The following AEBP1 variants were observed in gnomAD, a reference collection of about 807,000 sequenced individuals.
The protein encoded by AEBP1 is adipocyte enhancer-binding protein 1.
Under a neutral mutation model 116.5 loss-of-function variants are expected in AEBP1, and 69 were observed. The observed-to-expected ratio is 0.59, with a 90% CI of 0.49 to 0.72. The LOEUF (loss-of-function observed/expected upper bound fraction) is 0.72. Among genes scored for constraint, AEBP1 ranks in the 30% least tolerant of loss-of-function variants. The probability of loss-of-function intolerance (pLI) is 0.00; values close to 1 mark genes in which losing one functional copy is unlikely to be tolerated. For missense variants in AEBP1, 1,444 were observed against 1,557.5 expected (o/e 0.93, Z 1.23); for synonymous variants, 627 against 627.3 (o/e 1.00, Z 0.01).
chr7:44,104,811 C>T lies in AEBP1; in HGVS notation c.146C>T (p.Pro49Leu). Residue 49 changes from proline to leucine, a missense_variant, in exon 1 of 21, where the codon CCC becomes CTC. Transcript: ENST00000223357. ...TTCCTGTCAGAGCTAGAACCTGAGCCCCGGGAGGACGACGTGGAGGCCCCG... is the reference window on the plus strand; with the variant it reads ...TTCCTGTCAGAGCTAGAACCTGAGCTCCGGGAGGACGACGTGGAGGCCCCG... ...EGFLSELEPE[P>L]REDDVEAPPP... The T allele has an allele frequency of 6.2e-7, 1 of 1,606,648 alleles. No homozygotes were observed. The highest frequency in any genetic ancestry group is 8.5e-7 in the Non-Finnish European group (1 of 1,177,364).
Position 44,110,929 on chromosome 7 carries a change from T to C in AEBP1, c.1502T>C (p.Val501Ala). ...GYEEMTFHGN[V>A]DKDTPVLSEL... is the part of the protein sequence containing the mutation. Reference sequence around the variant, plus strand: ...TCTCCCCAGACCTTTCATGGGAACGTGGACAAGGACACACCCGTGCTGAGT... The same window carrying C: ...TCTCCCCAGACCTTTCATGGGAACGCGGACAAGGACACACCCGTGCTGAGT... The change falls in exon 13 of 21, where the codon GTG becomes GCG. Residue 501 changes from valine to alanine, a missense_variant. By Grantham distance (64) the Val-to-Ala change is moderately conservative. Transcript: ENST00000223357. 1 of 1,613,904 alleles carries C rather than the reference T, an allele frequency of 6.2e-7. No individual in the cohort carries two copies. The highest frequency in any genetic ancestry group is 2.2e-5 in the East Asian group (1 of 44,876).
Position 44,104,589 on chromosome 7 carries a change from C to A in AEBP1, c.-77C>A, listed in dbSNP as rs1562683136. 3.9e-6 allele frequency: 4 copies of A among 1,036,742 alleles called. No homozygotes were observed. The African/African-American group carries it at 5.1e-5, about 13-fold the overall frequency. The allele number at this position is 1,036,742 out of a possible 1,614,324, so 64.2% of individuals were successfully genotyped here. A position where few individuals can be genotyped will look rare whatever the true frequency, so the allele number is the denominator to read the frequency against. On this transcript the variant is annotated 5_prime_UTR_variant, in exon 1 of 21. Coordinates refer to ENST00000223357, the MANE Select transcript of AEBP1 (RefSeq NM_001129.5). ...GGATTCCCTCACCCGTCTCGATCCC[C>A]TCTCCGCCCTTTCCCAGAGACCCAG...
chr7:44,110,059 C>G lies in AEBP1; in HGVS notation c.1195C>G (p.Gln399Glu). 6.2e-7 allele frequency: 1 copy of G among 1,613,052 alleles called. No individual in the cohort carries two copies. The highest frequency in any genetic ancestry group is 8.5e-7 in the Non-Finnish European group (1 of 1,179,998). Residue 399 changes from glutamine (Q) to glutamate (E), a missense_variant, in exon 10 of 21, where the codon CAG becomes GAG. Coordinates refer to ENST00000223357, the MANE Select transcript of AEBP1 (RefSeq NM_001129.5). ...GMESHRIEDNQIRASSMLRHG... is the reference protein window; with the variant it reads ...GMESHRIEDNEIRASSMLRHG... ...GGAGTCACACCGTATTGAGGACAAC[C>G]AGATCCGAGCCTCCTCCATGCTGCG...
chr7:44,107,777 T>C lies in AEBP1; in HGVS notation c.740-32T>C, dbSNP rs762798082. ...TGTGCCAATGGGCCCATCCCAGCCT[T>C]GGGCCCCACTCTGAGCCAGCCTCCC... On this transcript the variant is annotated intron_variant, in intron 4 of 20. Coordinates refer to ENST00000223357, the MANE Select transcript of AEBP1 (RefSeq NM_001129.5). This position sits in a 1 kb window ranked among gnomAD's most constrained non-coding sequence, Gnocchi z 4.3. 145 of 1,612,302 alleles carry C rather than the reference T, an allele frequency of 9.0e-5. No homozygotes were observed. The highest frequency in any genetic ancestry group is 1.1e-4 in the Non-Finnish European group (135 of 1,179,580).
At chr7:44,109,534 G>A in intron 9 of AEBP1, 193 bp downstream of exon 9, 1 of 665,820 alleles carries the variant, frequency 1.5e-6, no homozygotes, top group Non-Finnish European at 2.5e-6. Context: ...TGGACCCCAG[G>A]CTGGCCTGCT....
Position 44,107,023 on chromosome 7 carries a change from C to A in AEBP1, c.595+136C>A. On this transcript the variant is annotated intron_variant, in intron 2 of 20. Transcript: ENST00000223357. The surrounding 1 kb of genome is among the most constrained non-coding windows in gnomAD (Gnocchi z 4.3). ...CCACTGGATGGGAACCTCACTTTTG[C>A]TATAAATTTCACAATTTGATTGGTG... The A allele has an allele frequency of 1.4e-6, 1 of 714,282 alleles. No homozygotes were observed. The highest frequency in any genetic ancestry group is 2.3e-6 in the Non-Finnish European group (1 of 441,404). 44.2% of individuals were successfully genotyped at this position (714,282 alleles called of 1,614,324 possible).
At position 44,112,985 on chromosome 7, in the gene AEBP1, G is replaced by T. The variant is rs563058667; in HGVS notation, c.2570-6G>T. 2.7e-5 allele frequency: 43 copies of T among 1,613,956 alleles called. No homozygotes were observed. The South Asian group carries it at 4.6e-4, about 17-fold the overall frequency. ...TGACTTTGGGTCTGTATCTGTCCCC[G>T]GCCAGCTATCAATGACTTCAGTTAC... On this transcript the variant is annotated splice_polypyrimidine_tract_variant and splice_region_variant and intron_variant, in intron 18 of 20. Coordinates refer to ENST00000223357, the MANE Select transcript of AEBP1 (RefSeq NM_001129.5). This position sits in a 1 kb window ranked among gnomAD's most constrained non-coding sequence, Gnocchi z 6.6.
rs567438595 is a variant in AEBP1 at position 44,113,194 on chromosome 7, G to A, written c.2710-58G>A. On this transcript the variant is annotated intron_variant, in intron 19 of 20. Transcript: ENST00000223357. This position sits in a 1 kb window ranked among gnomAD's most constrained non-coding sequence, Gnocchi z 5.3. Reference sequence around the variant, plus strand: ...CACAGGCTCCTGGATGGGCGGGAGGGAGCAGCGGACCACATTGGACCTTCC... The same window carrying A: ...CACAGGCTCCTGGATGGGCGGGAGGAAGCAGCGGACCACATTGGACCTTCC... 10 of 1,613,208 alleles carry A rather than the reference G, an allele frequency of 6.2e-6. No individual in the cohort carries two copies. Among genetic ancestry groups the A allele is most frequent in the Non-Finnish European group, 8.5e-6 (10 of 1,179,470 alleles).
Position 44,114,165 on chromosome 7 carries a change from A to G in AEBP1, c.3381A>G (p.Glu1127=), listed in dbSNP as rs1266644757. ...CCCAGCTGGAACCCGAGTTTGAGGA[A>G]GAGGAGGAGGAGGAGAAAGAGGAGG... ...FETQLEPEFE[E]EEEEEKEEEI... The change falls in exon 21 of 21, where the codon GAA becomes GAG. Residue 1127 remains glutamate, a synonymous_variant. Transcript: ENST00000223357. 7.4e-6 allele frequency: 12 copies of G among 1,611,440 alleles called. No homozygotes were observed. In the East Asian group the frequency reaches 2.5e-4, roughly 33 times the overall value.
In AEBP1 at chr7:44,112,775, TC is replaced by T. The variant is rs755043141; in HGVS notation, c.2437del (p.Arg813GlyfsTer14). 6.2e-7 allele frequency: 1 copy of T among 1,612,840 alleles called. No individual in the cohort carries two copies. Among genetic ancestry groups the T allele is most frequent in the African/African-American group, 1.3e-5 (1 of 74,914 alleles). ...CAGGAGACTCCAGACCACGCCATCT[TC>T]CGGTGGCTTGCCATCTCCTTCGCCT... is the stretch of plus-strand genomic sequence containing the variant. ...EAQETPDHAIFRWLAISFASA... is the reference protein window; with the variant it reads ...EAQETPDHAIXRWLAISFASA... On this transcript the variant is annotated frameshift_variant, in exon 18 of 21. Transcript: ENST00000223357. LOFTEE classifies it high-confidence loss of function. This position sits in a 1 kb window ranked among gnomAD's most constrained non-coding sequence, Gnocchi z 6.6.
chr7:44,107,392 C>A lies in AEBP1; in HGVS notation c.596-47C>A. On this transcript the variant is annotated intron_variant, in intron 2 of 20. Coordinates refer to ENST00000223357, the MANE Select transcript of AEBP1 (RefSeq NM_001129.5). This position sits in a 1 kb window ranked among gnomAD's most constrained non-coding sequence, Gnocchi z 4.3. ...GGTGGCCTGAGGCTCCCAAGGTGGTCAGAGCAGGCCTCCCGCCCACCTGCT... is the reference window on the plus strand; with the variant it reads ...GGTGGCCTGAGGCTCCCAAGGTGGTAAGAGCAGGCCTCCCGCCCACCTGCT... The A allele has an allele frequency of 1.3e-6, 2 of 1,592,998 alleles. No homozygotes were observed. The highest frequency in any genetic ancestry group is 2.2e-5 in the South Asian group (2 of 90,590).
chr7:44,113,536 G>A lies in AEBP1; in HGVS notation c.2810-58G>A, dbSNP rs1489307480. 1.2e-5 allele frequency: 18 copies of A among 1,486,618 alleles called. 1 individual carries two copies. In the African/African-American group the frequency reaches 2.2e-4, roughly 18 times the overall value. 92.1% of individuals were successfully genotyped at this position (1,486,618 alleles called of 1,614,324 possible). A position where few individuals can be genotyped will look rare whatever the true frequency, so the allele number is the denominator to read the frequency against. ...GCGGGGCTGGGGGCAGGACTGAGTG[G>A]GAGGGTGGGGGCCTGGGAGGGGCGC... On this transcript the variant is annotated intron_variant, in intron 20 of 20. Transcript: ENST00000223357. This position sits in a 1 kb window ranked among gnomAD's most constrained non-coding sequence, Gnocchi z 5.3.
chr7:44,105,860 A>G (rs2096222415), intron 1 of AEBP1, among the ~76,000 whole-genome samples: 1 of 152,016 alleles, frequency 6.6e-6, no homozygotes, highest in Non-Finnish European at 1.5e-5. Context: ...GAGGATTCCC[A>G]TGGGGAATCC....
At position 44,112,058 on chromosome 7, in the gene AEBP1, G is replaced by C; in HGVS notation, c.2037+8G>C. 1 of 1,610,986 alleles carries C rather than the reference G, an allele frequency of 6.2e-7. No individual in the cohort carries two copies. The highest frequency in any genetic ancestry group is 1.1e-5 in the South Asian group (1 of 91,032). ...GAGGTGGCAGCGCAGATGGTGGGTT[G>C]AAGGGTGAGGCTGGCCAGGGTCCAG... On this transcript the variant is annotated splice_region_variant and intron_variant, in intron 16 of 20. Coordinates refer to ENST00000223357, the MANE Select transcript of AEBP1 (RefSeq NM_001129.5). This position sits in a 1 kb window ranked among gnomAD's most constrained non-coding sequence, Gnocchi z 6.6.
At chr7:44,104,996 C>A in intron 1 of AEBP1, 78 bp downstream of exon 1, 2 of 1,202,662 alleles carry the variant, frequency 1.7e-6, no homozygotes, top group Non-Finnish European at 1.1e-6. Flanking sequence ...AGGGTCTGGC[C>A]ACTCCCCAGT....
rs746781450 is a variant in AEBP1 at position 44,111,183 on chromosome 7, G to T, written c.1660G>T (p.Val554Leu). The T allele has an allele frequency of 2.6e-6, 4 of 1,520,072 alleles. No individual in the cohort carries two copies. Among genetic ancestry groups the T allele is most frequent in the Non-Finnish European group, 3.5e-6 (4 of 1,133,178 alleles). 94.2% of individuals were successfully genotyped at this position (1,520,072 alleles called of 1,614,324 possible). A position where few individuals can be genotyped will look rare whatever the true frequency, so the allele number is the denominator to read the frequency against. Residue 554 changes from valine (V) to leucine (L), a missense_variant, in exon 14 of 21, where the codon GTG becomes TTG. By Grantham distance (32) the Val-to-Leu change is conservative. Transcript: ENST00000223357. This position sits in a 1 kb window ranked among gnomAD's most constrained non-coding sequence, Gnocchi z 4.7. Reference sequence around the variant, plus strand: ...CTACAGCTACTACGCACAGAATGAGGTGGTGGCCACCGATGACCTGGATTT... The same window carrying T: ...CTACAGCTACTACGCACAGAATGAGTTGGTGGCCACCGATGACCTGGATTT... ...PVYSYYAQNE[V>L]VATDDLDFRH... is the part of the protein sequence containing the mutation.
In AEBP1 at chr7:44,112,700, C is replaced by T. The variant is rs2096230957; in HGVS notation, c.2360C>T (p.Ala787Val). ...CCTACCCAGGAGCAGCTGCTGGCCG[C>T]AGCCATGGCAGCAGCCCGGGGGGAG... ...RTPTQEQLLA[A>V]AMAAARGEDE... The change falls in exon 18 of 21, where the codon GCA (alanine) becomes GTA (valine). Residue 787 changes from alanine to valine, a missense_variant. Physicochemically the swap from Ala to Val is moderately conservative, Grantham distance 64. Transcript: ENST00000223357. This position sits in a 1 kb window ranked among gnomAD's most constrained non-coding sequence, Gnocchi z 6.6. The T allele has an allele frequency of 6.2e-7, 1 of 1,613,170 alleles. No individual in the cohort carries two copies. Among genetic ancestry groups the T allele is most frequent in the Admixed American group, 1.7e-5 (1 of 59,990 alleles).
rs1386328926 is a variant in AEBP1, at chr7:44,109,193, C to A, written c.1096+9C>A. ...GGGCAAGGACCACAAAGGTGTGTGG[C>A]TGGGGCTTGGGGCCTGGGTCCCTGT... On this transcript the variant is annotated intron_variant, in intron 8 of 20. Coordinates refer to ENST00000223357, the MANE Select transcript of AEBP1 (RefSeq NM_001129.5). 1 of 1,613,610 alleles carries A rather than the reference C, an allele frequency of 6.2e-7. No homozygotes were observed. Among genetic ancestry groups the A allele is most frequent in the South Asian group, 1.1e-5 (1 of 91,062 alleles).
chr7:44,110,032 A>T lies in AEBP1; in HGVS notation c.1168A>T (p.Met390Leu), dbSNP rs752916403. 1.2e-6 allele frequency: 2 copies of T among 1,612,874 alleles called. No individual in the cohort carries two copies. Among genetic ancestry groups the T allele is most frequent in the East Asian group, 4.5e-5 (2 of 44,880 alleles). Residue 390 changes from methionine (M) to leucine (L), a missense_variant, in exon 10 of 21, where the codon ATG becomes TTG. Coordinates refer to ENST00000223357, the MANE Select transcript of AEBP1 (RefSeq NM_001129.5). ...TEKVKCPPIG[M>L]ESHRIEDNQI... Reference sequence around the variant, plus strand: ...GTCCTCAGAGTGTCCCCCCATTGGGATGGAGTCACACCGTATTGAGGACAA... The same window carrying T: ...GTCCTCAGAGTGTCCCCCCATTGGGTTGGAGTCACACCGTATTGAGGACAA...
Sources: allele counts gnomAD v4.1 joint callset (sites outside exome capture counted in the v4.1 genomes callset), GRCh38; gene constraint gnomAD v4.1.1; non-coding constraint Gnocchi (gnomAD v3.1); transcripts MANE v1.5; gene names NCBI Gene and HGNC (gene_info 2026-07-23, HGNC 2026-07-21).